FER1L5: variants seen among roughly 807,000 people sequenced by gnomAD.
FER1L5 encodes the protein fer-1-like protein 5.
Under a neutral mutation model 279.9 loss-of-function variants are expected in FER1L5, and 187 were observed. The observed-to-expected ratio is 0.67, with a 90% CI of 0.59 to 0.75. FER1L5 has a LOEUF of 0.75. Ranked by LOEUF, FER1L5 falls within the 30% of genes least tolerant of loss-of-function variation. The pLI, the probability that FER1L5 is intolerant of heterozygous loss-of-function variation, is 0.00. For missense variants in FER1L5, 2,091 were observed against 2,594.4 expected (o/e 0.81, Z 4.21); for synonymous variants, 921 against 989.7 (o/e 0.93, Z 1.30).
chr2:96,654,922 G>T (rs1252130301), intron 9 of FER1L5: 1 of 146,158 alleles, frequency 6.8e-6, no homozygotes, highest in Non-Finnish European at 1.5e-5. Context: ...AAAAAAAGAA[G>T]AAGAAAGATC....
chr2:96,650,428 G>A (rs2075313153), intron 6 of FER1L5, 139 bp downstream of exon 6: 3 of 696,988 alleles, frequency 4.3e-6, no homozygotes, highest in Non-Finnish European at 7.4e-6. Flanking sequence ...TCAGATCCTT[G>A]CCACATGCCC....
chr2:96,665,801 G>T (rs2076107196), intron 14 of FER1L5, among the ~76,000 whole-genome samples: 1 of 152,028 alleles, frequency 6.6e-6, no homozygotes, highest in Non-Finnish European at 1.5e-5. Flanking sequence ...GGCCAGGCTG[G>T]TCTCGAACAC....
chr2:96,664,458 G>T (rs1367786419), intron 14 of FER1L5, among the ~76,000 whole-genome samples: 1 of 152,044 alleles, frequency 6.6e-6, no homozygotes. Flanking sequence ...ACCCTTATTT[G>T]TCTGACTTCT....
intron 6 of FER1L5, 138 bp from the exon 7 acceptor site, chr2:96,651,754 A>T: frequency 8.0e-7 from 1 of 1,248,512 alleles, no homozygotes; most frequent in Non-Finnish European, 1.1e-6. Flanking sequence ...CGATTCTCCC[A>T]CCTCGGCCTC....
chr2:96,687,885 G>A lies in FER1L5; in HGVS notation c.2299G>A (p.Val767Ile). 1 of 1,551,170 alleles carries A rather than the reference G, an allele frequency of 6.4e-7. No individual in the cohort carries two copies. The highest frequency in any genetic ancestry group is 8.7e-7 in the Non-Finnish European group (1 of 1,146,968). The part of the protein sequence containing the change: ...HLRVCMWLGN[V>I]TDSKDLQLLR... The stretch of plus-strand genomic sequence containing the variant: ...CCGGGTCTGCATGTGGCTTGGCAAT[G>A]TCACAGACAGCAAGGACCTGCAGCT... Residue 767 changes from valine to isoleucine, a missense_variant, in exon 24 of 53, where the codon GTC becomes ATC. Coordinates refer to ENST00000624922, the MANE Select transcript of FER1L5 (RefSeq NM_001293083.2).
chr2:96,659,350 CT>C (rs1558853389), intron 9 of FER1L5, among the ~76,000 whole-genome samples: 1 of 74,960 alleles, frequency 1.3e-5, no homozygotes, highest in African/African-American at 5.3e-5. Flanking sequence ...TCCTTCCTTC[CT>C]TCCTTCCTTC....
At chr2:96,660,392 A>G in intron 10 of FER1L5, 21 bp downstream of exon 10, 1 of 1,551,294 alleles carries the variant, frequency 6.4e-7, no homozygotes, top group Non-Finnish European at 8.7e-7. Flanking sequence ...CTTATGGCAA[A>G]TATGTATGTC....
Position 96,702,305 on chromosome 2 carries a change from G to A in FER1L5, c.5160-1G>A. The A allele has an allele frequency of 6.2e-7, 1 of 1,610,624 alleles. No homozygotes were observed. The highest frequency in any genetic ancestry group is 8.5e-7 in the Non-Finnish European group (1 of 1,178,602). Reference sequence around the variant, plus strand: ...AAAGCCTCAGAGCACAGTGGCCACAGGTATGAGCTGCGATGCATCATCTGG... The same window carrying A: ...AAAGCCTCAGAGCACAGTGGCCACAAGTATGAGCTGCGATGCATCATCTGG... On this transcript the variant is annotated splice_acceptor_variant, in intron 46 of 52. Transcript: ENST00000624922. LOFTEE classifies it high-confidence loss of function. The surrounding 1 kb of genome is among the most constrained non-coding windows in gnomAD (Gnocchi z 4.0).
intron 2 of FER1L5, among the ~76,000 whole-genome samples, chr2:96,646,815 C>G (rs1160109346): frequency 1.3e-5 from 2 of 152,210 alleles, no homozygotes; most frequent in Non-Finnish European, 2.9e-5. Context: ...CACCCCATTC[C>G]TAGTCCCCAA....
chr2:96,643,013 T>C (rs1415886467), intron 1 of FER1L5, 92 bp downstream of exon 1: 2 of 1,073,384 alleles, frequency 1.9e-6, no homozygotes, highest in East Asian at 5.6e-5. Context: ...CCCCACTACA[T>C]AAAAGATGCC....
At chr2:96,651,756 C>T (rs1052753035) in intron 6 of FER1L5, 136 bp from the exon 7 acceptor site, 1 of 1,272,902 alleles carries the variant, frequency 7.9e-7, no homozygotes, top group South Asian at 1.4e-5. Context: ...ATTCTCCCAC[C>T]TCGGCCTCCC....
intron 6 of FER1L5, among the ~76,000 whole-genome samples, chr2:96,651,127 G>A (rs1031091275): frequency 4.5e-4 from 68 of 152,244 alleles, no homozygotes; most frequent in African/African-American, 1.3e-3. Flanking sequence ...ATGGCTTCCC[G>A]GGCCCTTGAT....
At position 96,699,531 on chromosome 2, in the gene FER1L5, T is replaced by TC; in HGVS notation, c.4611-17dup. The TC allele has an allele frequency of 2.5e-6, 4 of 1,608,780 alleles. No individual in the cohort carries two copies. The highest frequency in any genetic ancestry group is 1.3e-5 in the African/African-American group (1 of 74,938). ...GACATTGCCCACATCCTCTGCAGTCTCCAACACCTCACCCCTAGGATGTTT... is the reference window on the plus strand; with the variant it reads ...GACATTGCCCACATCCTCTGCAGTCTCCCAACACCTCACCCCTAGGATGTTT... On this transcript the variant is annotated intron_variant, in intron 42 of 52. Coordinates refer to ENST00000624922, the MANE Select transcript of FER1L5 (RefSeq NM_001293083.2).
intron 3 of FER1L5, among the ~76,000 whole-genome samples, chr2:96,647,373 A>G (rs1331735221): frequency 6.6e-6 from 1 of 152,230 alleles, no homozygotes; most frequent in Non-Finnish European, 1.5e-5. Context: ...AGCTCTGTCC[A>G]TCTGAAGCCA....
chr2:96,685,244 A>G, intron 20 of FER1L5, 85 bp from the exon 21 acceptor site: 1 of 1,214,662 alleles, frequency 8.2e-7, no homozygotes, highest in Non-Finnish European at 1.2e-6. Flanking sequence ...GGCTGAAAAC[A>G]TCTTGGGCCA....
Position 96,704,619 on chromosome 2 carries a change from A to C in FER1L5, c.6101A>C (p.Glu2034Ala). The C allele has an allele frequency of 6.2e-7, 1 of 1,613,990 alleles. No individual in the cohort carries two copies. Among genetic ancestry groups the C allele is most frequent in the Non-Finnish European group, 8.5e-7 (1 of 1,179,898 alleles). Reference protein sequence around the residue: ...DPNLKPTIDHEWKLHPGPTNH... With the variant: ...DPNLKPTIDHAWKLHPGPTNH... ...AACCTAAAGCCTACAATAGACCATG[A>C]GTGGAAACTCCACCCAGGACCCACA... The change falls in exon 53 of 53, where the codon GAG (glutamate) becomes GCG (alanine). Residue 2034 changes from glutamate (E) to alanine (A), a missense_variant. Physicochemically the swap from Glu to Ala is moderately radical, Grantham distance 107. Coordinates refer to ENST00000624922, the MANE Select transcript of FER1L5 (RefSeq NM_001293083.2).
chr2:96,658,113 T>G (rs2075671651), intron 9 of FER1L5, among the ~76,000 whole-genome samples: 1 of 151,244 alleles, frequency 6.6e-6, no homozygotes, highest in Admixed American at 6.6e-5. Context: ...CCCTCCTGGG[T>G]TCACATGATT....
At position 96,659,358 on chromosome 2, in the gene FER1L5, C is replaced by CTTCCTTCCTTCCTTCT. The variant is rs2075779229; in HGVS notation, c.748-976_748-975insCTTCCTTCTTTCCTTC. ...CCTTCCTTCCTTCCTTCCTTCCTTC[C>CTTCCTTCCTTCCTTCT]TTCCTTCTTTCTTTCTTTCTTTCTT... On this transcript the variant is annotated intron_variant, in intron 9 of 52. Transcript: ENST00000624922. Among the ~76,000 whole-genome samples the CTTCCTTCCTTCCTTCT allele has an allele frequency of 8.3e-5, 5 of 60,582 alleles. 1 individual carries two copies. The highest frequency in any genetic ancestry group is 1.5e-4 in the Non-Finnish European group (5 of 32,906). The allele number at this position is 60,582 out of a possible 152,430, so 39.7% of individuals were successfully genotyped here.
chr2:96,663,991 T>C (rs899611005), intron 14 of FER1L5, among the ~76,000 whole-genome samples: 1 of 152,074 alleles, frequency 6.6e-6, no homozygotes, highest in African/African-American at 2.4e-5. Flanking sequence ...TGCAGTGAGC[T>C]GAGCCGAGGT....
Sources: allele counts gnomAD v4.1 joint callset (sites outside exome capture counted in the v4.1 genomes callset), GRCh38; gene constraint gnomAD v4.1.1; non-coding constraint Gnocchi (gnomAD v3.1); transcripts MANE v1.5; gene names NCBI Gene and HGNC (gene_info 2026-07-23, HGNC 2026-07-21).